MED24: variants seen among roughly 807,000 people sequenced by gnomAD.
MED24 encodes the protein mediator of RNA polymerase II transcription subunit 24.
A neutral mutation model predicts 118.8 loss-of-function variants in MED24; 74 were observed. That is an observed-to-expected ratio of 0.62 (90% CI 0.52 to 0.76). The LOEUF (loss-of-function observed/expected upper bound fraction) is 0.76. MED24 is among the 30% of genes least tolerant of loss of function. The pLI is 0.00. For synonymous variants in MED24, 521 were observed against 523.9 expected, an observed-to-expected ratio of 0.99 and a Z score of 0.08; for missense variants, 1,041 against 1,278.9, an observed-to-expected ratio of 0.81 and a Z score of 2.84.
rs188253438 is a variant in MED24, at chr17:40,025,035, C to G, written c.1985+1121G>C. Among the ~76,000 whole-genome samples the G allele has an allele frequency of 2.0e-5, 3 of 152,264 alleles. No individual in the cohort carries two copies. The East Asian group carries it at 5.8e-4, about 29-fold the overall frequency. Reference sequence around the variant, plus strand: ...GCAGGCGTGAGCCACCACGCCCGGCCCACAACAGAGTATTATTCAGCCTTA... The same window carrying G: ...GCAGGCGTGAGCCACCACGCCCGGCGCACAACAGAGTATTATTCAGCCTTA... On this transcript the variant is annotated intron_variant, in intron 19 of 25. Coordinates refer to ENST00000394128, the MANE Select transcript of MED24 (RefSeq NM_014815.4).
At chr17:40,036,034 C>A in intron 4 of MED24, 82 bp downstream of exon 4, 3 of 1,457,572 alleles carry the variant, frequency 2.1e-6, no homozygotes, top group Non-Finnish European at 2.9e-6. Context: ...TCCAGCCTCA[C>A]GGGTCACAGC....
In MED24 at chr17:40,044,375, C is replaced by T. The variant is rs1984920858; in HGVS notation, c.214-8221G>A. On this transcript the variant is annotated intron_variant, in intron 3 of 25. Coordinates refer to ENST00000394128, the MANE Select transcript of MED24 (RefSeq NM_014815.4). Reference sequence around the variant, plus strand: ...TATCTACTAAAAATACAAAAATTAGCTGGGCATGGTGGCGCATGCCTGTAA... The same window carrying T: ...TATCTACTAAAAATACAAAAATTAGTTGGGCATGGTGGCGCATGCCTGTAA... Among the ~76,000 whole-genome samples, 8 of 151,634 alleles carry T rather than the reference C, an allele frequency of 5.3e-5. 1 individual carries two copies. The South Asian group carries it at 1.7e-3, about 32-fold the overall frequency.
At position 40,032,087 on chromosome 17, in the gene MED24, G is replaced by C; in HGVS notation, c.940C>G (p.Pro314Ala). The C allele has an allele frequency of 6.2e-7, 1 of 1,613,658 alleles. No homozygotes were observed. The highest frequency in any genetic ancestry group is 8.5e-7 in the Non-Finnish European group (1 of 1,179,816). ...KWTAFTFLKI[P>A]QVLVKLKKYS... The stretch of plus-strand genomic sequence containing the variant: ...TTCTTCAACTTCACCAAAACCTGTG[G>C]AATCTAGGGGGTGAGGCAGGGGGAA... Residue 314 changes from proline to alanine, a missense_variant, in exon 10 of 26, where the codon CCA (proline) becomes GCA (alanine). Pro to Ala is a conservative substitution (Grantham distance 27, BLOSUM62 -1). This residue lies in a region of MED24 where 434 missense variants were observed against 514.9 expected (regional missense o/e 0.84). Transcript: ENST00000394128.
rs946012575 is a variant in MED24, at chr17:40,034,828, C to T, written c.559+289G>A. 9 of 958,560 alleles carry T rather than the reference C, an allele frequency of 9.4e-6. No individual in the cohort carries two copies. The African/African-American group carries it at 1.5e-4, about 16-fold the overall frequency. 59.4% of individuals were successfully genotyped at this position (958,560 alleles called of 1,614,324 possible). A position where few individuals can be genotyped will look rare whatever the true frequency, so the allele number is the denominator to read the frequency against. ...CAGCTATGCTTGATGAGGGCAGGGA[C>T]CCTGCCACATGCTCCTTTGGTAGCC... On this transcript the variant is annotated intron_variant, in intron 6 of 25. Transcript: ENST00000394128.
chr17:40,034,294 A>G (rs1983704161), intron 6 of MED24, among the ~76,000 whole-genome samples: 1 of 152,216 alleles, frequency 6.6e-6, no homozygotes, highest in South Asian at 2.1e-4. Context: ...AACACAGTCC[A>G]TTTTTATATA....
At chr17:40,024,528 C>T (rs1036070632) in intron 19 of MED24, among the ~76,000 whole-genome samples, 1 of 152,004 alleles carries the variant, frequency 6.6e-6, no homozygotes. Flanking sequence ...AGCGAAACGC[C>T]GTCTCAAAAA....
At position 40,026,974 on chromosome 17, in the gene MED24, T is replaced by C. The variant is rs1982733304; in HGVS notation, c.1591A>G (p.Thr531Ala). 1.2e-6 allele frequency: 2 copies of C among 1,613,932 alleles called. No individual in the cohort carries two copies. Among genetic ancestry groups the C allele is most frequent in the Admixed American group, 1.7e-5 (1 of 59,984 alleles). ...ATCTTGCCCTCCTCAGGCATGCAGG[T>C]CTGCATCCAGGTCTCGAAGAAGGGC... is the stretch of plus-strand genomic sequence containing the variant. ...EVPFFETWMQ[T>A]CMPEEGKILN... Residue 531 changes from threonine to alanine, a missense_variant, in exon 17 of 26, where the codon ACC becomes GCC. This residue lies in a region of MED24 where 587 missense variants were observed against 694.4 expected (regional missense o/e 0.85). Coordinates refer to ENST00000394128, the MANE Select transcript of MED24 (RefSeq NM_014815.4).
chr17:40,043,545 T>C lies in MED24; in HGVS notation c.214-7391A>G, dbSNP rs374187790. ...TATGTTTTTGTTGTCAGTTTTATCC[T>C]TTTTTTCCCTTACTGGACTTTTGTC... On this transcript the variant is annotated intron_variant, in intron 3 of 25. Transcript: ENST00000394128. Among the ~76,000 whole-genome samples the C allele has an allele frequency of 3.9e-5, 6 of 152,166 alleles. No homozygotes were observed. In the East Asian group the frequency reaches 9.6e-4, roughly 24 times the overall value.
chr17:40,020,096 G>A, intron 24 of MED24, 163 bp from the exon 25 acceptor site: 3 of 996,278 alleles, frequency 3.0e-6, no homozygotes, highest in Non-Finnish European at 4.5e-6. Context: ...TTGGGGAGGG[G>A]AGGAGGGGGA....
At position 40,023,246 on chromosome 17, in the gene MED24, G is replaced by A. The variant is rs145215690; in HGVS notation, c.2135C>T (p.Thr712Met). ...CTCCAGCACCTTGGCAAAAATGTCCGTCAGCACCTCTTTGATGGGCCGCTT... is the reference window on the plus strand; with the variant it reads ...CTCCAGCACCTTGGCAAAAATGTCCATCAGCACCTCTTTGATGGGCCGCTT... ...PPKRPIKEVLTDIFAKVLEKG... is the reference protein window; with the variant it reads ...PPKRPIKEVLMDIFAKVLEKG... The change falls in exon 20 of 26, where the codon ACG becomes ATG. Residue 712 changes from threonine to methionine, a missense_variant. Transcript: ENST00000394128. 48 of 1,614,056 alleles carry A rather than the reference G, an allele frequency of 3.0e-5. No homozygotes were observed. Among genetic ancestry groups the A allele is most frequent in the South Asian group, 4.4e-5 (4 of 91,090 alleles).
Position 40,022,614 on chromosome 17 carries a change from G to A in MED24, c.2432+31C>T, listed in dbSNP as rs759994276. The A allele has an allele frequency of 7.1e-5, 114 of 1,610,776 alleles. No individual in the cohort carries two copies. The Middle Eastern group carries it at 7.9e-4, about 11-fold the overall frequency. On this transcript the variant is annotated intron_variant, in intron 21 of 25. Transcript: ENST00000394128. Reference sequence around the variant, plus strand: ...GAGGGGTGCTTGACCCTGGGTGGCCGGAGCAGGGCAAGCTCTGAAGAGAAT... The same window carrying A: ...GAGGGGTGCTTGACCCTGGGTGGCCAGAGCAGGGCAAGCTCTGAAGAGAAT...
intron 13 of MED24, 56 bp from the exon 14 acceptor site, chr17:40,029,024 G>C (rs1344420485): frequency 1.9e-6 from 3 of 1,608,280 alleles, no homozygotes; most frequent in Admixed American, 1.7e-5. Flanking sequence ...CCCCACCCAA[G>C]ATACAGCCTA....
intron 16 of MED24, 115 bp from the exon 17 acceptor site, chr17:40,027,149 C>T (rs1466055247): frequency 7.4e-7 from 1 of 1,356,208 alleles, no homozygotes. Context: ...AGCCCAAAGA[C>T]TGGGGACGAA....
At chr17:40,028,073 A>C in intron 14 of MED24, 127 bp from the exon 15 acceptor site, 1 of 941,994 alleles carries the variant, frequency 1.1e-6, no homozygotes, top group Non-Finnish European at 1.7e-6. Context: ...AAAATGAGAC[A>C]CATTGCTATA....
intron 19 of MED24, chr17:40,023,746 T>A (rs1275447255): frequency 1.8e-5 from 4 of 226,834 alleles, no homozygotes; most frequent in African/African-American, 6.9e-5. Flanking sequence ...ACACAATCAC[T>A]TCCCCCTAGG....
intron 17 of MED24, 34 bp from the exon 18 acceptor site, chr17:40,026,780 C>G: frequency 6.2e-7 from 1 of 1,611,030 alleles, no homozygotes; most frequent in Non-Finnish European, 8.5e-7. Flanking sequence ...CACAGGGGAG[C>G]AAGGAACGGG....
rs774886094 is a variant in MED24, at chr17:40,027,960, A to G, written c.1410-14T>C. ...AATTCATTCAAACTGAAAGGAATGG[A>G]GACAGGCTGCATTGACCAGGGCATG... is the stretch of plus-strand genomic sequence containing the variant. On this transcript the variant is annotated splice_polypyrimidine_tract_variant and intron_variant, in intron 14 of 25. Coordinates refer to ENST00000394128, the MANE Select transcript of MED24 (RefSeq NM_014815.4). 4 of 1,613,708 alleles carry G rather than the reference A, an allele frequency of 2.5e-6. No individual in the cohort carries two copies. In the South Asian group the frequency reaches 4.4e-5, roughly 18 times the overall value.
chr17:40,037,778 G>A (rs1984115437), intron 3 of MED24, among the ~76,000 whole-genome samples: 1 of 152,042 alleles, frequency 6.6e-6, no homozygotes, highest in Admixed American at 6.6e-5. Flanking sequence ...GGGCATGGTG[G>A]CGGGTGCCTA....
rs1983800567 is a variant in MED24, at chr17:40,035,243, C to T, written c.433G>A (p.Gly145Arg). ...GCGGCTGGAGTGCCGGCCTCCAGCC[C>T]CTCCCGCAGCCGCTCTGCAGAGGCT... ...TAASAERLREGLEAGTPAAGE... is the reference protein window; with the variant it reads ...TAASAERLRERLEAGTPAAGE... The change falls in exon 6 of 26, where the codon GGG becomes AGG. Residue 145 changes from glycine (G) to arginine (R), a missense_variant. Around this residue, in one of 3 missense-constraint regions of MED24, gnomAD observed 434 missense variants for 514.9 expected, o/e 0.84. Coordinates refer to ENST00000394128, the MANE Select transcript of MED24 (RefSeq NM_014815.4). 1 of 1,613,694 alleles carries T rather than the reference C, an allele frequency of 6.2e-7. No individual in the cohort carries two copies. The highest frequency in any genetic ancestry group is 8.5e-7 in the Non-Finnish European group (1 of 1,179,992).
Sources: gnomAD v4.1 joint callset for allele counts (sites outside exome capture counted in the v4.1 genomes callset) on GRCh38, gnomAD v4.1.1 for gene constraint, gnomAD v4.1.1 regional missense constraint, MANE v1.5 for transcripts, NCBI Gene and HGNC (gene_info 2026-07-23, HGNC 2026-07-21) for gene names.